LRRK2: variants seen among roughly 807,000 people sequenced by gnomAD.
The protein encoded by LRRK2 is leucine-rich repeat serine/threonine-protein kinase 2.
In LRRK2, 203 loss-of-function variants were observed where a neutral mutation model predicts 302.6. That is an observed-to-expected ratio of 0.67 (90% CI 0.60 to 0.75). LRRK2 has a LOEUF of 0.75. LRRK2 is among the 30% of genes least tolerant of loss of function. LRRK2 has a pLI of 0.00. For missense variants in LRRK2, 2,830 were observed against 2,951.0 expected, an observed-to-expected ratio of 0.96 and a Z score of 0.95; for synonymous variants, 1,066 against 1,031.9, an observed-to-expected ratio of 1.03 and a Z score of -0.63.
chr12:40,331,984 G>A (rs1029407363), intron 39 of LRRK2, among the ~76,000 whole-genome samples: 10 of 152,092 alleles, frequency 6.6e-5, no homozygotes, highest in Admixed American at 2.6e-4. Context: ...AGGAAAGAGG[G>A]TACCTCTTTT....
At chr12:40,231,514 G>A (rs1941184006) in intron 2 of LRRK2, among the ~76,000 whole-genome samples, 1 of 141,810 alleles carries the variant, frequency 7.1e-6, no homozygotes, top group African/African-American at 2.6e-5. Flanking sequence ...ATCTATGATT[G>A]CACCATTGCA....
intron 41 of LRRK2, among the ~76,000 whole-genome samples, chr12:40,344,163 A>G (rs1443339221): frequency 6.6e-6 from 1 of 152,118 alleles, no homozygotes; most frequent in Non-Finnish European, 1.5e-5. Context: ...GGTAAAAACT[A>G]TTGTAAAAGG....
In LRRK2 at chr12:40,340,290, G is replaced by A. The variant is rs753995944; in HGVS notation, c.5949-4G>A. ...AATAAGATTTCCTGTGCATTTTCTG[G>A]CAGATACCTCCACTCAGCCATGATT... is the stretch of plus-strand genomic sequence containing the variant. On this transcript the variant is annotated splice_polypyrimidine_tract_variant and splice_region_variant and intron_variant, in intron 40 of 50. Transcript: ENST00000298910. The A allele has an allele frequency of 2.5e-6, 4 of 1,613,120 alleles. No individual in the cohort carries two copies. In the South Asian group the frequency reaches 3.3e-5, roughly 13 times the overall value.
rs1946961567 is a variant in LRRK2 at position 40,369,113 on chromosome 12, A to G, written c.*1348A>G. The G allele has an allele frequency of 1.3e-5, 2 of 151,872 alleles. No homozygotes were observed. The highest frequency in any genetic ancestry group is 2.9e-5 in the Non-Finnish European group (2 of 67,808). 9.4% of individuals were successfully genotyped at this position (151,872 alleles called of 1,614,324 possible). A position where few individuals can be genotyped will look rare whatever the true frequency, so the allele number is the denominator to read the frequency against. Reference sequence around the variant, plus strand: ...GATTTTCTGTATTTTAAAGGAAGCTATGCTTTAACTTGTTATGTAATTAAC... The same window carrying G: ...GATTTTCTGTATTTTAAAGGAAGCTGTGCTTTAACTTGTTATGTAATTAAC... On this transcript the variant is annotated 3_prime_UTR_variant, in exon 51 of 51. Transcript: ENST00000298910.
intron 14 of LRRK2, among the ~76,000 whole-genome samples, chr12:40,265,079 T>C (rs1942951329): frequency 6.6e-6 from 1 of 152,212 alleles, no homozygotes; most frequent in Admixed American, 6.5e-5. Flanking sequence ...CATTTTAAAT[T>C]GAACTTTATA....
At chr12:40,225,399 C>A in intron 1 of LRRK2, 117 bp downstream of exon 1, 1 of 1,333,384 alleles carries the variant, frequency 7.5e-7, no homozygotes, top group Non-Finnish European at 1.1e-6. Context: ...CTTAAGGAGC[C>A]GCAAACTCCC....
At chr12:40,289,797 T>C (rs1039370777) in intron 20 of LRRK2, among the ~76,000 whole-genome samples, 1 of 151,916 alleles carries the variant, frequency 6.6e-6, no homozygotes, top group African/African-American at 2.4e-5. Context: ...TCCTGTAAAC[T>C]TACTAAGCTC....
intron 41 of LRRK2, among the ~76,000 whole-genome samples, 189 bp from the exon 42 acceptor site, chr12:40,346,564 G>A (rs1426568093): frequency 5.3e-5 from 8 of 152,058 alleles, no homozygotes; most frequent in Admixed American, 5.2e-4. Context: ...TCAACCTTGG[G>A]GGGTGAGATG....
At position 40,295,490 on chromosome 12, in the gene LRRK2, G is replaced by T; in HGVS notation, c.2942G>T (p.Arg981Ile). The part of the protein sequence containing the change: ...SDSISSLASE[R>I]EYITSLDLSA... ...AGCATTTCTTCTCTGGCTTCTGAGA[G>T]AGAATATATTACATCACTAGACCTT... The change falls in exon 23 of 51, where the codon AGA becomes ATA. Residue 981 changes from arginine to isoleucine, a missense_variant. Coordinates refer to ENST00000298910, the MANE Select transcript of LRRK2 (RefSeq NM_198578.4). The T allele has an allele frequency of 6.2e-7, 1 of 1,613,834 alleles. No individual in the cohort carries two copies. Among genetic ancestry groups the T allele is most frequent in the Non-Finnish European group, 8.5e-7 (1 of 1,179,968 alleles).
chr12:40,362,684 A>C (rs1025555324), intron 47 of LRRK2, among the ~76,000 whole-genome samples: 1 of 152,072 alleles, frequency 6.6e-6, no homozygotes, highest in African/African-American at 2.4e-5. Flanking sequence ...ATTTAAGTTC[A>C]TCCTCAAAGG....
At chr12:40,277,148 G>A (rs1394051677) in intron 16 of LRRK2, among the ~76,000 whole-genome samples, 3 of 152,146 alleles carry the variant, frequency 2.0e-5, no homozygotes, top group Non-Finnish European at 4.4e-5. Flanking sequence ...TGTAATATTA[G>A]AGGTAATAAA....
At chr12:40,319,924 G>A (rs1945346363) in intron 33 of LRRK2, 64 bp from the exon 34 acceptor site, 2 of 1,479,304 alleles carry the variant, frequency 1.4e-6, no homozygotes, top group Admixed American at 3.7e-5. Context: ...GACATAAAAT[G>A]CTTTAAATTT....
At chr12:40,265,269 C>T (rs1289022005) in intron 14 of LRRK2, among the ~76,000 whole-genome samples, 1 of 152,180 alleles carries the variant, frequency 6.6e-6, no homozygotes, top group Non-Finnish European at 1.5e-5. Flanking sequence ...ATGCTTTGTA[C>T]TCTTCTCTCC....
rs1459669027 is a variant in LRRK2 at position 40,368,806 on chromosome 12, T to C, written c.*1041T>C. The C allele has an allele frequency of 6.6e-6, 1 of 151,638 alleles. No homozygotes were observed. The highest frequency in any genetic ancestry group is 1.5e-5 in the Non-Finnish European group (1 of 67,704). The allele number at this position is 151,638 out of a possible 1,614,324, so 9.4% of individuals were successfully genotyped here. ...GAGCTTTAGTTATGATGGATAAAAA[T>C]ATCTGCCACCCTAGGCTTCCAAATT... On this transcript the variant is annotated 3_prime_UTR_variant, in exon 51 of 51. Transcript: ENST00000298910.
At chr12:40,246,091 G>C (rs1019432084) in intron 7 of LRRK2, among the ~76,000 whole-genome samples, 1 of 150,436 alleles carries the variant, frequency 6.6e-6, no homozygotes, top group African/African-American at 2.4e-5. Flanking sequence ...ATCTTACAAG[G>C]GTTTAAACTT....
chr12:40,361,407 T>G (rs1300793373), intron 47 of LRRK2, among the ~76,000 whole-genome samples: 1 of 152,124 alleles, frequency 6.6e-6, no homozygotes, highest in Non-Finnish European at 1.5e-5. Flanking sequence ...TACAAAAGTA[T>G]AGTGCGTGAT....
rs193301357 is a variant in LRRK2 at position 40,307,038 on chromosome 12, A to G, written c.3959+1072A>G. Among the ~76,000 whole-genome samples, 172 of 151,078 alleles carry G rather than the reference A, an allele frequency of 1.1e-3. 2 individuals are homozygous for G. The highest frequency in any genetic ancestry group is 4.1e-3 in the African/African-American group (171 of 41,454). ...GTATTATACTGTATTATCTAACTAA[A>G]TATTTTTAATATTTAATATTTAATT... is the stretch of plus-strand genomic sequence containing the variant. On this transcript the variant is annotated intron_variant, in intron 28 of 50. Transcript: ENST00000298910.
At chr12:40,367,566 C>T (rs1946916467) in intron 50 of LRRK2, 78 bp from the exon 51 acceptor site, 1 of 1,443,560 alleles carries the variant, frequency 6.9e-7, no homozygotes, top group East Asian at 2.3e-5. Flanking sequence ...ACTAAAAATA[C>T]ATGAGCCAAA....
intron 45 of LRRK2, among the ~76,000 whole-genome samples, chr12:40,355,505 A>ATGCCTCCC (rs1946500205): frequency 1.8e-5 from 1 of 55,384 alleles, no homozygotes; most frequent in Non-Finnish European, 4.1e-5. Context: ...CCTTCCTTCC[A>ATGCCTCCC]TCCCTCCCTC....
Sources: allele counts gnomAD v4.1 joint callset (sites outside exome capture counted in the v4.1 genomes callset), GRCh38; gene constraint gnomAD v4.1.1; transcripts MANE v1.5; gene names NCBI Gene and HGNC (gene_info 2026-07-23, HGNC 2026-07-21).